The following STPG1 variants were observed in gnomAD, a reference collection of about 807,000 sequenced individuals.
STPG1 encodes O(6)-methylguanine-induced apoptosis 2.
STPG1 carries 33 observed loss-of-function variants against 40.1 expected under a neutral mutation model. The ratio of observed to expected loss-of-function variants is 0.82; its 90% CI spans 0.62 to 1.10. The LOEUF (loss-of-function observed/expected upper bound fraction) is 1.10, where lower values mean the gene tolerates loss of function less well. Among genes scored for constraint, STPG1 ranks in the 50% least tolerant of loss-of-function variants. The pLI, the probability that STPG1 is intolerant of heterozygous loss-of-function variation, is 0.00. For synonymous variants in STPG1, 150 were observed against 155.0 expected, an observed-to-expected ratio of 0.97 and a Z score of 0.24; for missense variants, 396 against 415.1, an observed-to-expected ratio of 0.95 and a Z score of 0.40.
At chr1:24,384,191 G>A (rs1557448042) in intron 3 of STPG1, among the ~76,000 whole-genome samples, 188 bp from the exon 4 acceptor site, 1 of 152,224 alleles carries the variant, frequency 6.6e-6, no homozygotes, top group Non-Finnish European at 1.5e-5. Context: ...TTACCAAGTG[G>A]TGGGGCTGGA....
At chr1:24,411,156 A>G (rs192774962) in intron 1 of STPG1, among the ~76,000 whole-genome samples, 50 of 152,342 alleles carry the variant, frequency 3.3e-4, no homozygotes, top group Non-Finnish European at 1.5e-5. Context: ...TCATTTATTG[A>G]GCCTGCACAG....
At chr1:24,384,888 T>C (rs1382543034) in intron 3 of STPG1, among the ~76,000 whole-genome samples, 1 of 152,212 alleles carries the variant, frequency 6.6e-6, no homozygotes, top group African/African-American at 2.4e-5. Flanking sequence ...GTCCCGCTGC[T>C]GTAAGTGGCA....
chr1:24,358,946 G>T (rs766030527), intron 8 of STPG1, among the ~76,000 whole-genome samples: 5 of 152,224 alleles, frequency 3.3e-5, no homozygotes, highest in Non-Finnish European at 7.3e-5. Flanking sequence ...GCTTCATGGG[G>T]TCTTGTTTTG....
chr1:24,397,771 G>C (rs913236249), intron 2 of STPG1, among the ~76,000 whole-genome samples: 7 of 151,930 alleles, frequency 4.6e-5, no homozygotes, highest in African/African-American at 1.7e-4. Flanking sequence ...CTCTGTTGCT[G>C]ATATATCAAT....
intron 1 of STPG1, 107 bp from the exon 2 acceptor site, chr1:24,401,563 C>T (rs1190768402): frequency 9.6e-6 from 6 of 627,188 alleles, no homozygotes; most frequent in Middle Eastern, 2.9e-4. Context: ...GTGTGGGTGC[C>T]GGCTGAGATC....
At chr1:24,396,377 A>G (rs1643008213) in intron 2 of STPG1, among the ~76,000 whole-genome samples, 1 of 152,094 alleles carries the variant, frequency 6.6e-6, no homozygotes, top group South Asian at 2.1e-4. Flanking sequence ...TGGTGCAGTC[A>G]TAGTTCATTG....
At chr1:24,376,656 G>C (rs944876129) in intron 5 of STPG1, among the ~76,000 whole-genome samples, 1 of 152,166 alleles carries the variant, frequency 6.6e-6, no homozygotes, top group African/African-American at 2.4e-5. Context: ...GGGTGAAGGA[G>C]TAGACAGTGA....
At chr1:24,408,432 T>A (rs1279208978) in intron 1 of STPG1, among the ~76,000 whole-genome samples, 1 of 152,214 alleles carries the variant, frequency 6.6e-6, no homozygotes, top group East Asian at 1.9e-4. Context: ...TCTCTTCAGG[T>A]TTCTGAACAT....
rs372838863 is a variant in STPG1, at chr1:24,358,639, C to T, written c.929-20G>A. 28 of 1,595,594 alleles carry T rather than the reference C, an allele frequency of 1.8e-5. No individual in the cohort carries two copies. Among genetic ancestry groups the T allele is most frequent in the Admixed American group, 8.4e-5 (5 of 59,796 alleles). The stretch of plus-strand genomic sequence containing the variant: ...ACGTAGCTGTGAGGGGACAGAGAGG[C>T]GGAGGCATTAAGAGAGAAAAGGCCC... On this transcript the variant is annotated intron_variant, in intron 8 of 8. Transcript: ENST00000337248.
rs921583165 is a variant in STPG1, at chr1:24,399,379, G to A, written c.70+1940C>T. On this transcript the variant is annotated intron_variant, in intron 2 of 8. Coordinates refer to ENST00000337248, the MANE Select transcript of STPG1 (RefSeq NM_001199013.2). The surrounding 1 kb of genome is among the most constrained non-coding windows in gnomAD (Gnocchi z 4.0). ...GGTCAACATGGAAAACAACAGACTCGGGCATCTTCCTCAATCAAAAACAAT... is the reference window on the plus strand; with the variant it reads ...GGTCAACATGGAAAACAACAGACTCAGGCATCTTCCTCAATCAAAAACAAT... Among the ~76,000 whole-genome samples the A allele has an allele frequency of 4.6e-5, 7 of 152,042 alleles. No homozygotes were observed. The highest frequency in any genetic ancestry group is 1.7e-4 in the African/African-American group (7 of 41,398).
intron 2 of STPG1, among the ~76,000 whole-genome samples, chr1:24,400,004 C>A (rs541294305): frequency 6.0e-4 from 91 of 152,320 alleles, no homozygotes; most frequent in South Asian, 5.0e-3. Flanking sequence ...CCCTATGACC[C>A]AGCAGTTCCA....
intron 7 of STPG1, among the ~76,000 whole-genome samples, chr1:24,366,841 C>T (rs146297344): frequency 6.6e-6 from 1 of 152,340 alleles, no homozygotes; most frequent in East Asian, 1.9e-4. Flanking sequence ...GCACCATCCC[C>T]TCATCAGGGT....
chr1:24,390,256 C>T (rs1642702984), intron 3 of STPG1, among the ~76,000 whole-genome samples: 1 of 152,156 alleles, frequency 6.6e-6, no homozygotes, highest in Admixed American at 6.5e-5. Flanking sequence ...CTGTCCCCTG[C>T]TGGTGAGAGA....
intron 5 of STPG1, among the ~76,000 whole-genome samples, chr1:24,374,247 T>TTTG: frequency 1.2e-5 from 1 of 85,910 alleles, no homozygotes; most frequent in African/African-American, 7.6e-5. Flanking sequence ...GGAAAGTGTT[T>TTTG]TTTTTTTTTG....
chr1:24,386,119 G>A (rs1205412704), intron 3 of STPG1, among the ~76,000 whole-genome samples: 1 of 152,190 alleles, frequency 6.6e-6, no homozygotes, highest in Non-Finnish European at 1.5e-5. Flanking sequence ...AGTTAAATTA[G>A]AATTTCAGAT....
chr1:24,376,113 C>T (rs1642012098), intron 5 of STPG1, among the ~76,000 whole-genome samples: 1 of 152,154 alleles, frequency 6.6e-6, no homozygotes, highest in South Asian at 2.1e-4. Context: ...CTCCACTTTC[C>T]AGGTTCAAGC....
At chr1:24,394,539 A>G (rs1642911676) in intron 2 of STPG1, among the ~76,000 whole-genome samples, 1 of 152,266 alleles carries the variant, frequency 6.6e-6, no homozygotes, top group South Asian at 2.1e-4. Flanking sequence ...TGATAGAATT[A>G]GTGGAGAAGA....
intron 3 of STPG1, among the ~76,000 whole-genome samples, chr1:24,388,273 G>GTGGAGACA (rs1642600900): frequency 6.6e-6 from 1 of 152,226 alleles, no homozygotes; most frequent in African/African-American, 2.4e-5. Flanking sequence ...CCAGGGTGAA[G>GTGGAGACA]TGGAGACAGA....
rs1345132257 is a variant in STPG1, at chr1:24,358,616, G to A, written c.932C>T (p.Thr311Met). The A allele has an allele frequency of 9.3e-6, 15 of 1,612,676 alleles. No homozygotes were observed. The East Asian group carries it at 1.8e-4, about 19-fold the overall frequency. Reference protein sequence around the residue: ...PPQPGLPGPATYKPELPGKQS... With the variant: ...PPQPGLPGPAMYKPELPGKQS... ...CTTTCCTGGAAGCTCTGGCTTGTAC[G>A]TAGCTGTGAGGGGACAGAGAGGCGG... The change falls in exon 9 of 9, where the codon ACG (threonine) becomes ATG (methionine). Residue 311 changes from threonine (T) to methionine (M), a missense_variant. Transcript: ENST00000337248.
Sources: allele counts gnomAD v4.1 joint callset (sites outside exome capture counted in the v4.1 genomes callset), GRCh38; gene constraint gnomAD v4.1.1; non-coding constraint Gnocchi (gnomAD v3.1); transcripts MANE v1.5; gene names NCBI Gene and HGNC (gene_info 2026-07-23, HGNC 2026-07-21).